The following PDE11A variants were observed in gnomAD, a reference collection of about 807,000 sequenced individuals.
The protein encoded by PDE11A is phosphodiesterase 11A, also known as dual 3',5'-cyclic-AMP and -GMP phosphodiesterase 11A.
A neutral mutation model predicts 100.5 loss-of-function variants in PDE11A; 100 were observed. The observed-to-expected ratio is 1.00, with a 90% CI of 0.85 to 1.18. PDE11A has a LOEUF of 1.18. Ranked by LOEUF, PDE11A falls within the 50% of genes most tolerant of loss-of-function variation. The probability of loss-of-function intolerance (pLI) is 0.00; values close to 1 mark genes in which losing one functional copy is unlikely to be tolerated. For synonymous variants in PDE11A, 381 were observed against 420.8 expected, an observed-to-expected ratio of 0.91 and a Z score of 1.16; for missense variants, 1,141 against 1,152.6, an observed-to-expected ratio of 0.99 and a Z score of 0.15.
chr2:178,024,686 A>G (rs2086457421), intron 1 of PDE11A, among the ~76,000 whole-genome samples: 1 of 152,214 alleles, frequency 6.6e-6, no homozygotes. Flanking sequence ...TAATGGAAAT[A>G]AAAAAACATA....
chr2:177,702,682 C>G (rs1293338128), intron 13 of PDE11A: 1 of 152,158 alleles, frequency 6.6e-6, no homozygotes, highest in Non-Finnish European at 1.5e-5. Context: ...TACAAGTGAC[C>G]TGCAATTCTT....
In PDE11A at chr2:177,916,927, A is replaced by ATTTTTT. The variant is rs1183483256; in HGVS notation, c.1072-11746_1072-11741dup. ...AGGTGTCTGCCACCACGCCCGGCTA[A>ATTTTTT]TTTTTTTTTTTTTTTTTTTTTTGTA... On this transcript the variant is annotated intron_variant, in intron 2 of 19. Transcript: ENST00000286063. Among the ~76,000 whole-genome samples, 147 of 105,296 alleles carry ATTTTTT rather than the reference A, an allele frequency of 1.4e-3. 2 individuals are homozygous for ATTTTTT. Among genetic ancestry groups the ATTTTTT allele is most frequent in the East Asian group, 4.3e-3 (16 of 3,688 alleles). The allele number at this position is 105,296 out of a possible 152,430, so 69.1% of individuals were successfully genotyped here.
At chr2:177,722,370 G>A (rs1226960377) in intron 12 of PDE11A, among the ~76,000 whole-genome samples, 2 of 152,118 alleles carry the variant, frequency 1.3e-5, no homozygotes, top group East Asian at 1.9e-4. Context: ...GAATGGCAGC[G>A]CTTAAAGTGA....
intron 10 of PDE11A, among the ~76,000 whole-genome samples, chr2:177,744,284 A>T (rs977274255): frequency 1.3e-5 from 2 of 151,716 alleles, no homozygotes; most frequent in Admixed American, 6.6e-5. Flanking sequence ...TCTGTCTGTG[A>T]TAATCTGCCT....
intron 2 of PDE11A, among the ~76,000 whole-genome samples, chr2:177,988,595 T>C (rs2085967116): frequency 6.6e-6 from 1 of 152,202 alleles, no homozygotes; most frequent in South Asian, 2.1e-4. Flanking sequence ...TTAAAATTCT[T>C]AATTTTTGAA....
chr2:178,007,988 G>A (rs1157451084), intron 2 of PDE11A, among the ~76,000 whole-genome samples: 2 of 152,100 alleles, frequency 1.3e-5, no homozygotes, highest in Non-Finnish European at 2.9e-5. Flanking sequence ...TTACAGGCAT[G>A]AGCCATCTCA....
chr2:178,058,892 T>G (rs768915550), intron 1 of PDE11A, among the ~76,000 whole-genome samples: 10 of 152,134 alleles, frequency 6.6e-5, no homozygotes, highest in Admixed American at 1.3e-4. Flanking sequence ...GAGTTTGCCA[T>G]TCTCATTATT....
intron 2 of PDE11A, among the ~76,000 whole-genome samples, chr2:178,094,034 C>T (rs1233729572): frequency 2.0e-5 from 3 of 152,168 alleles, no homozygotes; most frequent in Non-Finnish European, 4.4e-5. Context: ...TCAAAACTAA[C>T]TGGAAAACTC....
intron 10 of PDE11A, among the ~76,000 whole-genome samples, chr2:177,765,459 T>A (rs1208685812): frequency 6.6e-6 from 1 of 152,130 alleles, no homozygotes. Flanking sequence ...TTTTTGGGAG[T>A]CCTCAGGGTG....
intron 2 of PDE11A, among the ~76,000 whole-genome samples, chr2:177,995,648 C>CCG (rs540888268): frequency 3.2e-4 from 49 of 151,278 alleles, no homozygotes; most frequent in East Asian, 2.0e-3. Flanking sequence ...CAAACACCAC[C>CCG]CACCCCGCAT....
At chr2:177,712,329 G>C (rs929867016) in intron 12 of PDE11A, among the ~76,000 whole-genome samples, 1 of 145,834 alleles carries the variant, frequency 6.9e-6, no homozygotes, top group Non-Finnish European at 1.5e-5. Context: ...GGCAGAAGGA[G>C]AACACAACCC....
chr2:178,099,553 C>T (rs1559071539), intron 2 of PDE11A, among the ~76,000 whole-genome samples: 6 of 151,652 alleles, frequency 4.0e-5, no homozygotes, highest in Admixed American at 3.3e-4. Context: ...CATGAGATAG[C>T]ACTTCAAACC....
chr2:177,654,769 T>C (rs564725775), intron 19 of PDE11A, among the ~76,000 whole-genome samples: 1 of 152,368 alleles, frequency 6.6e-6, no homozygotes, highest in Non-Finnish European at 1.5e-5. Context: ...TCTCATTTGC[T>C]TTTGATACCT....
intron 2 of PDE11A, chr2:177,922,756 A>T (rs572520392): frequency 1.0e-6 from 1 of 985,324 alleles, no homozygotes; most frequent in East Asian, 1.1e-4. Flanking sequence ...CCTACACTCA[A>T]AGCCCTTCAT....
intron 4 of PDE11A, among the ~76,000 whole-genome samples, chr2:177,892,997 G>A (rs2084553973): frequency 6.6e-6 from 1 of 152,098 alleles, no homozygotes; most frequent in African/African-American, 2.4e-5. Context: ...CATGATGCCT[G>A]GGGGAAGTTT....
upstream of PDE11A, among the ~76,000 whole-genome samples, chr2:178,074,112 G>A (rs1380233414): frequency 6.6e-6 from 1 of 152,126 alleles, no homozygotes. Context: ...CAAAATGAAA[G>A]AAGCCACTCA....
intron 4 of PDE11A, among the ~76,000 whole-genome samples, chr2:177,883,353 C>G (rs2084377957): frequency 1.3e-5 from 2 of 152,082 alleles, no homozygotes; most frequent in African/African-American, 4.8e-5. Flanking sequence ...CCAATTTACT[C>G]TAATCATTTA....
At chr2:177,788,388 A>G in intron 9 of PDE11A, among the ~76,000 whole-genome samples, 1 of 149,802 alleles carries the variant, frequency 6.7e-6, no homozygotes, top group Non-Finnish European at 1.5e-5. Flanking sequence ...CATTCAAAGC[A>G]GTGTGTAGAG....
chr2:177,852,061 C>T (rs1200109068), intron 5 of PDE11A, among the ~76,000 whole-genome samples: 3 of 152,106 alleles, frequency 2.0e-5, no homozygotes, highest in Non-Finnish European at 4.4e-5. Flanking sequence ...CCAGAGTTCC[C>T]TATGTATATA....
Sources: allele counts gnomAD v4.1 joint callset (sites outside exome capture counted in the v4.1 genomes callset), GRCh38; gene constraint gnomAD v4.1.1; transcripts MANE v1.5; gene names NCBI Gene and HGNC (gene_info 2026-07-23, HGNC 2026-07-21).